The following DOP1A variants were observed in gnomAD, a reference collection of about 807,000 sequenced individuals.
The protein encoded by DOP1A is protein DOP1A.
A neutral mutation model predicts 267.6 loss-of-function variants in DOP1A; 90 were observed. The observed-to-expected ratio is 0.34, with a 90% CI of 0.28 to 0.40. The LOEUF is 0.40. DOP1A is among the 10% of genes least tolerant of loss of function. DOP1A has a pLI of 1.00. For synonymous variants in DOP1A, 932 were observed against 999.1 expected (o/e 0.93, Z 1.27); for missense variants, 2,437 against 2,900.4 (o/e 0.84, Z 3.67).
intron 25 of DOP1A, among the ~76,000 whole-genome samples, chr6:83,146,166 T>A (rs1583101958): frequency 6.6e-6 from 1 of 152,306 alleles, no homozygotes; most frequent in African/African-American, 2.4e-5. Context: ...TGCACACACA[T>A]TGCTGTGTTT....
At chr6:83,159,676 T>A in intron 36 of DOP1A, 120 bp from the exon 37 acceptor site, 1 of 1,105,716 alleles carries the variant, frequency 9.0e-7, no homozygotes, top group Non-Finnish European at 1.3e-6. Context: ...TGCTTAGCAA[T>A]TACTGGCACA....
intron 38 of DOP1A, chr6:83,167,271 C>T (rs996134186): frequency 4.1e-6 from 4 of 984,482 alleles, no homozygotes; most frequent in Admixed American, 6.2e-5. Context: ...CAGCTTTCCT[C>T]CCTATGTTGT....
At chr6:83,162,091 G>A (rs1784362213) in intron 37 of DOP1A, among the ~76,000 whole-genome samples, 1 of 152,086 alleles carries the variant, frequency 6.6e-6, no homozygotes, top group South Asian at 2.1e-4. Context: ...TTTTTTAAAA[G>A]AGAGGGTTGG....
Position 83,141,795 on chromosome 6 carries a change from A to G in DOP1A, c.5416-126A>G, listed in dbSNP as rs1462948262. ...TCTTAACGTTATTAAAGTTTCCTCT[A>G]GTGTTATTTAGATAGTAAAACCTAT... is the stretch of plus-strand genomic sequence containing the variant. On this transcript the variant is annotated intron_variant, in intron 23 of 38. Transcript: ENST00000349129. 4 of 837,212 alleles carry G rather than the reference A, an allele frequency of 4.8e-6. No individual in the cohort carries two copies. The East Asian group carries it at 9.2e-5, about 19-fold the overall frequency. 51.9% of individuals were successfully genotyped at this position (837,212 alleles called of 1,614,324 possible). A position where few individuals can be genotyped will look rare whatever the true frequency, so the allele number is the denominator to read the frequency against.
chr6:83,128,116 G>A (rs1235560326), intron 15 of DOP1A, among the ~76,000 whole-genome samples: 6 of 152,150 alleles, frequency 3.9e-5, no homozygotes, highest in East Asian at 3.9e-4. Flanking sequence ...GGAACATTGC[G>A]TGAAGCCCAG....
Position 83,100,811 on chromosome 6 carries a change from A to G in DOP1A, c.245A>G (p.Lys82Arg). 6.3e-7 allele frequency: 1 copy of G among 1,594,552 alleles called. No homozygotes were observed. Among genetic ancestry groups the G allele is most frequent in the Non-Finnish European group, 8.6e-7 (1 of 1,168,838 alleles). The change falls in exon 4 of 39, where the codon AAG becomes AGG. Residue 82 changes from lysine to arginine, a missense_variant. Around this residue, in one of 9 missense-constraint regions of DOP1A, gnomAD observed 251 missense variants for 359.1 expected, o/e 0.70. Coordinates refer to ENST00000349129, the MANE Select transcript of DOP1A (RefSeq NM_015018.4). The stretch of plus-strand genomic sequence containing the variant: ...GCATTACCAGGTGGAGTTCATCGGA[A>G]GGCGCTTGAAACATATGAAATTATC... ...HPALPGGVHRKALETYEIIFK... is the reference protein window; with the variant it reads ...HPALPGGVHRRALETYEIIFK...
chr6:83,125,562 C>T lies in DOP1A; in HGVS notation c.1548C>T (p.Ala516=), dbSNP rs765143502. Residue 516 remains alanine (A), a synonymous_variant, in exon 15 of 39, where the codon GCC becomes GCT. Transcript: ENST00000349129. The part of the protein sequence containing the change: ...LPQLLLRMIS[A]LTSHLQTLHL... ...AGTTGCTGCTCAGAATGATTTCTGCCTTGACAAGCCATCTCCAGACATTGC... is the reference window on the plus strand; with the variant it reads ...AGTTGCTGCTCAGAATGATTTCTGCTTTGACAAGCCATCTCCAGACATTGC... The T allele has an allele frequency of 3.1e-6, 5 of 1,613,786 alleles. No homozygotes were observed. The South Asian group carries it at 5.5e-5, about 18-fold the overall frequency.
intron 23 of DOP1A, among the ~76,000 whole-genome samples, chr6:83,141,203 C>T (rs2128280702): frequency 6.6e-6 from 1 of 152,096 alleles, no homozygotes; most frequent in East Asian, 1.9e-4. Context: ...CTCAGTGAAA[C>T]AGGGATGTTA....
At chr6:83,090,311 A>G (rs1431630370) in intron 1 of DOP1A, among the ~76,000 whole-genome samples, 1 of 152,218 alleles carries the variant, frequency 6.6e-6, no homozygotes, top group African/African-American at 2.4e-5. Context: ...ACAGCTGCTA[A>G]GTAAGTATTA....
intron 8 of DOP1A, 42 bp downstream of exon 8, chr6:83,119,029 G>C: frequency 6.4e-7 from 1 of 1,564,326 alleles, no homozygotes; most frequent in Non-Finnish European, 8.8e-7. Flanking sequence ...GGAAAAAATG[G>C]AGGGAGATTT....
chr6:83,119,729 G>A lies in DOP1A; in HGVS notation c.881-19G>A, dbSNP rs1435983970. 1 of 1,594,290 alleles carries A rather than the reference G, an allele frequency of 6.3e-7. No individual in the cohort carries two copies. Among genetic ancestry groups the A allele is most frequent in the Non-Finnish European group, 8.6e-7 (1 of 1,167,108 alleles). ...TGAGAATTCCATTTTAAGTAATTTTGTGATTTGTTTCCATGGAGGTTTTGA... is the reference window on the plus strand; with the variant it reads ...TGAGAATTCCATTTTAAGTAATTTTATGATTTGTTTCCATGGAGGTTTTGA... On this transcript the variant is annotated intron_variant, in intron 8 of 38. Transcript: ENST00000349129.
At chr6:83,170,334 C>T (rs529906310), downstream of DOP1A, 112 of 1,614,136 alleles carry the variant, frequency 6.9e-5, no homozygotes, top group East Asian at 3.1e-4. Flanking sequence ...TATACTCGGA[C>T]GACATCTTCT....
In DOP1A at chr6:83,167,927, C is replaced by T. The variant is rs754276025; in HGVS notation, c.7158C>T (p.Thr2386=). 1 of 1,614,158 alleles carries T rather than the reference C, an allele frequency of 6.2e-7. No homozygotes were observed. Among genetic ancestry groups the T allele is most frequent in the Non-Finnish European group, 8.5e-7 (1 of 1,180,020 alleles). The part of the protein sequence containing the change: ...LGWEPGHLLL[T]ICTVRSMEQL... ...GGGAGCCAGGGCACTTGCTGCTCAC[C>T]ATCTGCACCGTGCGCAGTATGGAGC... The change falls in exon 39 of 39, where the codon ACC becomes ACT. Residue 2386 remains threonine, a synonymous_variant. Coordinates refer to ENST00000349129, the MANE Select transcript of DOP1A (RefSeq NM_015018.4).
intron 7 of DOP1A, among the ~76,000 whole-genome samples, chr6:83,116,924 A>G (rs969197436): frequency 6.6e-6 from 1 of 152,176 alleles, no homozygotes; most frequent in Admixed American, 6.5e-5. Flanking sequence ...TTTTCCTTGC[A>G]ATGTCAGGCT....
intron 3 of DOP1A, 117 bp from the exon 4 acceptor site, chr6:83,100,588 G>T: frequency 1.6e-6 from 1 of 625,010 alleles, no homozygotes; most frequent in Non-Finnish European, 2.5e-6. Flanking sequence ...GGCAAATGTA[G>T]CTAACAAAAC....
chr6:83,136,069 G>T (rs570677159), intron 20 of DOP1A, among the ~76,000 whole-genome samples, 191 bp downstream of exon 20: 22 of 152,118 alleles, frequency 1.4e-4, no homozygotes, highest in Non-Finnish European at 2.8e-4. Context: ...CATCTTAGAG[G>T]ATGTGGGTCT....
chr6:83,105,879 A>G lies in DOP1A; in HGVS notation c.321-3031A>G, dbSNP rs1276998199. ...ACTCTTAACAGAAAGTTTAAGCAAC[A>G]CAGTTATTCTTCAGTTGTAGTATAC... On this transcript the variant is annotated intron_variant, in intron 4 of 38. Transcript: ENST00000349129. Among the ~76,000 whole-genome samples the G allele has an allele frequency of 2.6e-5, 4 of 152,356 alleles. No individual in the cohort carries two copies. In the East Asian group the frequency reaches 7.7e-4, roughly 29 times the overall value.
At chr6:83,119,029 G>A (rs1775913918) in intron 8 of DOP1A, 42 bp downstream of exon 8, 1 of 1,564,204 alleles carries the variant, frequency 6.4e-7, no homozygotes, top group African/African-American at 1.4e-5. Context: ...GGAAAAAATG[G>A]AGGGAGATTT....
chr6:83,080,764 T>G (rs1290797765), intron 1 of DOP1A, among the ~76,000 whole-genome samples: 1 of 152,226 alleles, frequency 6.6e-6, no homozygotes, highest in African/African-American at 2.4e-5. Context: ...TAGTTCCCCT[T>G]GTATATAGGT....
Sources: gnomAD v4.1 joint callset for allele counts (sites outside exome capture counted in the v4.1 genomes callset) on GRCh38, gnomAD v4.1.1 for gene constraint, gnomAD v4.1.1 regional missense constraint, MANE v1.5 for transcripts, NCBI Gene and HGNC (gene_info 2026-07-23, HGNC 2026-07-21) for gene names.